KCNIP4: variants seen among roughly 807,000 people sequenced by gnomAD.
The protein encoded by KCNIP4 is Kv channel-interacting protein 4.
Under a neutral mutation model 34.0 loss-of-function variants are expected in KCNIP4, and 12 were observed. The observed-to-expected ratio is 0.35, with a 90% CI of 0.23 to 0.57. The LOEUF (loss-of-function observed/expected upper bound fraction) is 0.57, where lower values mean the gene tolerates loss of function less well. KCNIP4 is among the 20% of genes least tolerant of loss of function. The pLI, the probability that KCNIP4 is intolerant of heterozygous loss-of-function variation, is 0.83. For synonymous variants in KCNIP4, 124 were observed against 102.2 expected (o/e 1.21, Z -1.29); for missense variants, 238 against 311.7 (o/e 0.76, Z 1.78).
intron 1 of KCNIP4, among the ~76,000 whole-genome samples, chr4:21,211,311 C>T (rs1757202561): frequency 6.6e-6 from 1 of 152,110 alleles, no homozygotes; most frequent in African/African-American, 2.4e-5. Context: ...GGCTCCCAAC[C>T]CCCGGGCCAC....
At chr4:20,796,839 A>C (rs1308303989) in intron 3 of KCNIP4, among the ~76,000 whole-genome samples, 2 of 152,204 alleles carry the variant, frequency 1.3e-5, no homozygotes, top group African/African-American at 2.4e-5. Flanking sequence ...TGAATACTAA[A>C]CTTTTTCAAT....
chr4:20,795,768 G>A (rs907865896), intron 3 of KCNIP4, among the ~76,000 whole-genome samples: 3 of 152,098 alleles, frequency 2.0e-5, no homozygotes, highest in Admixed American at 2.0e-4. Flanking sequence ...AGCAATAACA[G>A]ATCTATTGTC....
intron 1 of KCNIP4, among the ~76,000 whole-genome samples, chr4:21,247,828 C>CACAA (rs1760381880): frequency 7.8e-6 from 1 of 127,912 alleles, no homozygotes; most frequent in African/African-American, 3.2e-5. Context: ...TATACACACA[C>CACAA]ACACAGACAC....
intron 1 of KCNIP4, among the ~76,000 whole-genome samples, chr4:21,262,724 C>CA: frequency 6.6e-6 from 1 of 152,308 alleles, no homozygotes; most frequent in Non-Finnish European, 1.5e-5. Context: ...TCTGCTTCTG[C>CA]AAAAGCACGC....
At chr4:21,934,599 C>A (rs1157281732) in intron 1 of KCNIP4, among the ~76,000 whole-genome samples, 1 of 152,028 alleles carries the variant, frequency 6.6e-6, no homozygotes, top group Non-Finnish European at 1.5e-5. Context: ...CATGCACCAC[C>A]AAACTGGACA....
At chr4:21,874,110 G>C (rs758744327) in intron 1 of KCNIP4, among the ~76,000 whole-genome samples, 4 of 152,156 alleles carry the variant, frequency 2.6e-5, no homozygotes, top group Non-Finnish European at 5.9e-5. Flanking sequence ...TATTCGAAGG[G>C]GGCACTTAAC....
intron 1 of KCNIP4, among the ~76,000 whole-genome samples, chr4:21,155,628 T>A (rs1753087601): frequency 6.6e-6 from 1 of 152,014 alleles, no homozygotes; most frequent in African/African-American, 2.4e-5. Flanking sequence ...TCGGAAGGAG[T>A]CACTTGTCAG....
chr4:21,767,684 G>A (rs141573077), intron 1 of KCNIP4, among the ~76,000 whole-genome samples: 171 of 151,088 alleles, frequency 1.1e-3, no homozygotes, highest in African/African-American at 3.8e-3. Context: ...TATATAAAAC[G>A]TTAAATAACT....
intron 1 of KCNIP4, among the ~76,000 whole-genome samples, chr4:21,613,987 C>CA (rs558647510): frequency 0.017 from 2,267 of 131,890 alleles, 42 homozygotes; most frequent in African/African-American, 0.043. Flanking sequence ...ACTAAAAATA[C>CA]AAAAAAAAAA....
intron 1 of KCNIP4, among the ~76,000 whole-genome samples, chr4:21,934,830 C>T (rs932593278): frequency 6.6e-6 from 1 of 152,100 alleles, no homozygotes; most frequent in African/African-American, 2.4e-5. Flanking sequence ...GGGCAAGTTG[C>T]TTAACCCCTT....
At position 21,519,343 on chromosome 4, in the gene KCNIP4, TACACAC is replaced by T. The variant is rs137872471; in HGVS notation, c.61+429222_61+429227del. Among the ~76,000 whole-genome samples the T allele has an allele frequency of 7.1e-4, 82 of 115,134 alleles. No homozygotes were observed. The East Asian group carries it at 8.7e-3, about 12-fold the overall frequency. 75.5% of individuals were successfully genotyped at this position (115,134 alleles called of 152,430 possible). ...ACAGAAATAATAGGAGAGAGAGAGATACACACACACACACACACACACACACACACG... is the reference window on the plus strand; with the variant it reads ...ACAGAAATAATAGGAGAGAGAGAGATACACACACACACACACACACACACG... On this transcript the variant is annotated intron_variant, in intron 1 of 8. Transcript: ENST00000382152.
chr4:21,340,928 T>G (rs548668982), intron 1 of KCNIP4, among the ~76,000 whole-genome samples: 9 of 152,154 alleles, frequency 5.9e-5, no homozygotes, highest in Non-Finnish European at 1.2e-4. Context: ...CCCAAAATAT[T>G]AACATCGGTG....
intron 1 of KCNIP4, among the ~76,000 whole-genome samples, chr4:21,462,605 T>C (rs983981473): frequency 7.2e-5 from 11 of 152,202 alleles, no homozygotes; most frequent in Admixed American, 7.2e-4. Context: ...ATTCTCTACA[T>C]CAGTGAGATC....
chr4:21,039,779 T>C (rs2149777088), intron 1 of KCNIP4, among the ~76,000 whole-genome samples: 1 of 152,346 alleles, frequency 6.6e-6, no homozygotes, highest in African/African-American at 2.4e-5. Flanking sequence ...TAATTTTAGA[T>C]CCTCAATAAA....
intron 1 of KCNIP4, among the ~76,000 whole-genome samples, chr4:20,891,598 C>T (rs1013636004): frequency 1.2e-4 from 18 of 151,986 alleles, no homozygotes; most frequent in African/African-American, 2.7e-4. Context: ...AGTGAGACTC[C>T]GTCTCAAAAA....
chr4:21,259,158 C>T (rs906047000), intron 1 of KCNIP4, among the ~76,000 whole-genome samples: 10 of 152,164 alleles, frequency 6.6e-5, no homozygotes, highest in Non-Finnish European at 1.2e-4. Flanking sequence ...CCATGGCATT[C>T]ACCACTTTTC....
At chr4:21,525,956 G>A (rs1038324302) in intron 1 of KCNIP4, among the ~76,000 whole-genome samples, 29 of 151,820 alleles carry the variant, frequency 1.9e-4, no homozygotes, top group African/African-American at 7.0e-4. Flanking sequence ...GAAAAATAAG[G>A]CAATTTTCTT....
intron 1 of KCNIP4, among the ~76,000 whole-genome samples, chr4:21,475,499 G>T (rs922479229): frequency 6.6e-6 from 1 of 152,070 alleles, no homozygotes; most frequent in Non-Finnish European, 1.5e-5. Flanking sequence ...AGCAAGTTAC[G>T]GGTCAAAATG....
chr4:20,881,286 A>G (rs1005905111), intron 2 of KCNIP4, among the ~76,000 whole-genome samples: 14 of 152,082 alleles, frequency 9.2e-5, no homozygotes, highest in Admixed American at 8.5e-4. Context: ...ATATTTTCTC[A>G]TTTGTGTTGT....
Sources: gnomAD v4.1 joint callset for allele counts (sites outside exome capture counted in the v4.1 genomes callset) on GRCh38, gnomAD v4.1.1 for gene constraint, MANE v1.5 for transcripts, NCBI Gene and HGNC (gene_info 2026-07-23, HGNC 2026-07-21) for gene names.